Variants in ZNF268 observed in about 807,000 individuals in gnomAD.
The protein encoded by ZNF268 is zinc finger protein 268.
In ZNF268, 20 loss-of-function variants were observed where a neutral mutation model predicts 29.3. The observed-to-expected ratio is 0.68, with a 90% CI of 0.48 to 0.99. The LOEUF (loss-of-function observed/expected upper bound fraction) is 0.99. Among genes scored for constraint, ZNF268 ranks in the 50% least tolerant of loss-of-function variants. ZNF268 has a pLI of 0.00. For missense variants in ZNF268, 1,240 were observed against 1,121.6 expected (o/e 1.11, Z -1.51); for synonymous variants, 429 against 376.9 (o/e 1.14, Z -1.60).
intron 2 of ZNF268, among the ~76,000 whole-genome samples, chr12:133,187,542 C>T (rs1956352878): frequency 6.6e-6 from 1 of 151,990 alleles, no homozygotes; most frequent in African/African-American, 2.4e-5. Flanking sequence ...TTCCTACTGC[C>T]CTACCAAACC....
chr12:133,203,172 G>C lies in ZNF268; in HGVS notation c.1486G>C (p.Gly496Arg). 2.0e-6 allele frequency: 3 copies of C among 1,537,704 alleles called. No homozygotes were observed. The highest frequency in any genetic ancestry group is 2.6e-6 in the Non-Finnish European group (3 of 1,146,828). ...QLIVHQRSHT[G>R]MKPYVCNECG... is the part of the protein sequence containing the mutation. ...CATTGTACATCAGAGAAGTCACACA[G>C]GAATGAAACCTTATGTATGCAATGA... is the stretch of plus-strand genomic sequence containing the variant. Residue 496 changes from glycine (G) to arginine (R), a missense_variant, in exon 6 of 6, where the codon GGA (glycine) becomes CGA (arginine). By Grantham distance (125) the Gly-to-Arg change is moderately radical. This residue lies in a region of ZNF268 where 1,177 missense variants were observed against 1,039.6 expected (regional missense o/e 1.13). Coordinates refer to ENST00000536435, the MANE Select transcript of ZNF268 (RefSeq NM_003415.3).
At chr12:133,199,353 T>C (rs1237485548) in intron 5 of ZNF268, among the ~76,000 whole-genome samples, 2 of 151,852 alleles carry the variant, frequency 1.3e-5, no homozygotes, top group Admixed American at 1.3e-4. Context: ...GATTTGCATA[T>C]ATTGAACCAG....
In ZNF268 at chr12:133,203,726, G is replaced by A. The variant is rs139453147; in HGVS notation, c.2040G>A (p.Lys680=). 10 of 1,549,986 alleles carry A rather than the reference G, an allele frequency of 6.5e-6. No individual in the cohort carries two copies. In the African/African-American group the frequency reaches 1.1e-4, roughly 17 times the overall value. ...CSQCAKTFSL[K]SQLIVHQRSH... ...AATGTGCAAAAACCTTTAGTTTGAA[G>A]TCCCAGCTCATTGTACATCAGAGAA... The change falls in exon 6 of 6, where the codon AAG becomes AAA. Residue 680 remains lysine (K), a synonymous_variant. Coordinates refer to ENST00000536435, the MANE Select transcript of ZNF268 (RefSeq NM_003415.3).
intron 2 of ZNF268, chr12:133,184,701 C>T (rs1461464696): frequency 2.2e-6 from 1 of 451,952 alleles, no homozygotes; most frequent in Admixed American, 2.4e-5. Flanking sequence ...ACCACAACGT[C>T]TGCTTCCCGA....
chr12:133,204,189 C>A lies in ZNF268; in HGVS notation c.2503C>A (p.Pro835Thr). 1 of 1,540,680 alleles carries A rather than the reference C, an allele frequency of 6.5e-7. No homozygotes were observed. Residue 835 changes from proline to threonine, a missense_variant, in exon 6 of 6, where the codon CCT becomes ACT. Pro to Thr is a conservative substitution (Grantham distance 38). Around this residue, in one of 3 missense-constraint regions of ZNF268, gnomAD observed 1,177 missense variants for 1,039.6 expected, o/e 1.13. Transcript: ENST00000536435. ...VHERTHAGVN[P>T]YKCSQCEKSF... The stretch of plus-strand genomic sequence containing the variant: ...TGAGCGAACTCATGCAGGGGTCAAC[C>A]CTTATAAATGCAGTCAATGTGAGAA...
chr12:133,202,302 C>T lies in ZNF268; in HGVS notation c.616C>T (p.His206Tyr). 6.2e-7 allele frequency: 1 copy of T among 1,612,486 alleles called. No individual in the cohort carries two copies. Among genetic ancestry groups the T allele is most frequent in the South Asian group, 1.1e-5 (1 of 90,906 alleles). Reference protein sequence around the residue: ...SRQKPHKCGTHGKSLKYIDFT... With the variant: ...SRQKPHKCGTYGKSLKYIDFT... Reference sequence around the variant, plus strand: ...ACAAAAACCTCATAAATGTGGCACGCATGGAAAGAGTTTGAAATATATAGA... The same window carrying T: ...ACAAAAACCTCATAAATGTGGCACGTATGGAAAGAGTTTGAAATATATAGA... Residue 206 changes from histidine (H) to tyrosine (Y), a missense_variant, in exon 6 of 6, where the codon CAT becomes TAT. Around this residue, in one of 3 missense-constraint regions of ZNF268, gnomAD observed 1,177 missense variants for 1,039.6 expected, o/e 1.13. Transcript: ENST00000536435.
chr12:133,187,945 G>A lies in ZNF268; in HGVS notation c.107G>A (p.Gly36Asp), dbSNP rs1244961125. The A allele has an allele frequency of 1.2e-6, 2 of 1,600,034 alleles. No homozygotes were observed. Among genetic ancestry groups the A allele is most frequent in the African/African-American group, 1.3e-5 (1 of 74,640 alleles). Residue 36 changes from glycine (G) to aspartate (D), a missense_variant, in exon 3 of 6, where the codon GGC becomes GAC. Around this residue, in one of 3 missense-constraint regions of ZNF268, gnomAD observed 51 missense variants for 51.4 expected, o/e 0.99. Transcript: ENST00000536435. ...CTCCAAGGTCAGGAATCCATCTTGG[G>A]CCAAGGGACTCCTGGTCTGCAACCT... is the stretch of plus-strand genomic sequence containing the variant. ...RKLQGQESIL[G>D]QGTPGLQPLP...
intron 5 of ZNF268, among the ~76,000 whole-genome samples, chr12:133,196,024 A>T (rs1228589973): frequency 6.3e-5 from 5 of 79,666 alleles, no homozygotes; most frequent in South Asian, 6.3e-4. Context: ...CTGTCTCTTT[A>T]AAAAAAAAAA....
In ZNF268 at chr12:133,209,802, G is replaced by C. The variant is rs1304361367; in HGVS notation, c.*5272G>C. 1.3e-5 allele frequency: 2 copies of C among 151,942 alleles called. No homozygotes were observed. Among genetic ancestry groups the C allele is most frequent in the African/African-American group, 2.4e-5 (1 of 41,210 alleles). 9.4% of individuals were successfully genotyped at this position (151,942 alleles called of 1,614,324 possible). On this transcript the variant is annotated 3_prime_UTR_variant, in exon 6 of 6. Transcript: ENST00000536435. ...CACTCCAGCCCGGGCAGCAGAGTGAGACTCCTTCAAAAAAAATTAATAAAA... is the reference window on the plus strand; with the variant it reads ...CACTCCAGCCCGGGCAGCAGAGTGACACTCCTTCAAAAAAAATTAATAAAA...
At position 133,214,539 on chromosome 12, in the gene ZNF268, G is replaced by A. The variant is rs1368535321; in HGVS notation, c.*10009G>A. 6.6e-6 allele frequency: 1 copy of A among 152,206 alleles called. No homozygotes were observed. The highest frequency in any genetic ancestry group is 6.5e-5 in the Admixed American group (1 of 15,284). The allele number at this position is 152,206 out of a possible 1,614,324, so 9.4% of individuals were successfully genotyped here. A position where few individuals can be genotyped will look rare whatever the true frequency, so the allele number is the denominator to read the frequency against. ...AAAATAAAAGCAATGTGCAGAAAGA[G>A]GCTGGCCACAAAAAGGTCACATACT... On this transcript the variant is annotated 3_prime_UTR_variant, in exon 6 of 6. Coordinates refer to ENST00000536435, the MANE Select transcript of ZNF268 (RefSeq NM_003415.3).
rs1230271209 is a variant in ZNF268 at position 133,202,203 on chromosome 12, G to C, written c.517G>C (p.Gly173Arg). 1.2e-6 allele frequency: 2 copies of C among 1,607,386 alleles called. No homozygotes were observed. Among genetic ancestry groups the C allele is most frequent in the Non-Finnish European group, 1.7e-6 (2 of 1,177,126 alleles). ...DWHQENKDKLGSTAKSFECTT... is the reference protein window; with the variant it reads ...DWHQENKDKLRSTAKSFECTT... ...GCATCAGGAAAATAAAGACAAGCTGGGAAGTACGGCAAAAAGCTTTGAATG... is the reference window on the plus strand; with the variant it reads ...GCATCAGGAAAATAAAGACAAGCTGCGAAGTACGGCAAAAAGCTTTGAATG... The change falls in exon 6 of 6, where the codon GGA (glycine) becomes CGA (arginine). Residue 173 changes from glycine to arginine, a missense_variant. Coordinates refer to ENST00000536435, the MANE Select transcript of ZNF268 (RefSeq NM_003415.3).
chr12:133,201,431 T>C (rs1317093392), intron 5 of ZNF268, among the ~76,000 whole-genome samples: 2 of 152,094 alleles, frequency 1.3e-5, no homozygotes, highest in African/African-American at 4.8e-5. Flanking sequence ...GATACAAACA[T>C]TGAGACCTGT....
Position 133,202,823 on chromosome 12 carries a change from G to A in ZNF268, c.1137G>A (p.Gln379=), listed in dbSNP as rs767221651. ...FSRKDQLVSH[Q]KTHSGQKPYV... ...GGAAAGACCAGCTTGTTTCACACCAGAAAACTCATTCAGGACAGAAACCAT... is the reference window on the plus strand; with the variant it reads ...GGAAAGACCAGCTTGTTTCACACCAAAAAACTCATTCAGGACAGAAACCAT... The change falls in exon 6 of 6, where the codon CAG becomes CAA. Residue 379 remains glutamine (Q), a synonymous_variant. Coordinates refer to ENST00000536435, the MANE Select transcript of ZNF268 (RefSeq NM_003415.3). 6.2e-7 allele frequency: 1 copy of A among 1,601,362 alleles called. No individual in the cohort carries two copies. The highest frequency in any genetic ancestry group is 8.5e-7 in the Non-Finnish European group (1 of 1,176,210).
At chr12:133,185,700 G>T (rs1468982676) in intron 2 of ZNF268, among the ~76,000 whole-genome samples, 1 of 152,060 alleles carries the variant, frequency 6.6e-6, no homozygotes, top group Non-Finnish European at 1.5e-5. Context: ...AGTGCTGAGT[G>T]GGGGACAGGT....
Position 133,205,263 on chromosome 12 carries a change from T to C in ZNF268, c.*733T>C, listed in dbSNP as rs1336532007. The C allele has an allele frequency of 6.6e-6, 1 of 151,446 alleles. No homozygotes were observed. Among genetic ancestry groups the C allele is most frequent in the African/African-American group, 2.4e-5 (1 of 41,284 alleles). 9.4% of individuals were successfully genotyped at this position (151,446 alleles called of 1,614,324 possible). On this transcript the variant is annotated 3_prime_UTR_variant, in exon 6 of 6. Transcript: ENST00000536435. ...AAATTTTATTCCAGGTGTTCCAAAA[T>C]TTCAGGAAAAGGTTTGAGAAAATTC...
chr12:133,185,570 G>A (rs537599211), intron 2 of ZNF268, among the ~76,000 whole-genome samples: 17 of 152,164 alleles, frequency 1.1e-4, no homozygotes, highest in Non-Finnish European at 1.2e-4. Flanking sequence ...AGAGAGAGGA[G>A]AGCAGATGAA....
At chr12:133,197,765 G>T (rs1956647322) in intron 5 of ZNF268, among the ~76,000 whole-genome samples, 1 of 152,084 alleles carries the variant, frequency 6.6e-6, no homozygotes, top group African/African-American at 2.4e-5. Context: ...TTGTGGTTTT[G>T]ATTTGCATTT....
intron 5 of ZNF268, among the ~76,000 whole-genome samples, chr12:133,200,359 G>C (rs971843200): frequency 6.6e-6 from 1 of 152,154 alleles, no homozygotes; most frequent in Admixed American, 6.6e-5. Flanking sequence ...TCTTAATCCT[G>C]AGTTCTAGTT....
rs776699658 is a variant in ZNF268 at position 133,203,735 on chromosome 12, C to T, written c.2049C>T (p.Leu683=). Residue 683 remains leucine (L), a synonymous_variant, in exon 6 of 6, where the codon CTC becomes CTT. Transcript: ENST00000536435. ...CAKTFSLKSQ[L]IVHQRSHTGV... is the part of the protein sequence containing the mutation. ...AAACCTTTAGTTTGAAGTCCCAGCT[C>T]ATTGTACATCAGAGAAGTCACACAG... is the stretch of plus-strand genomic sequence containing the variant. The T allele has an allele frequency of 4.5e-6, 7 of 1,554,254 alleles. No homozygotes were observed. Among genetic ancestry groups the T allele is most frequent in the Non-Finnish European group, 5.2e-6 (6 of 1,156,150 alleles).
Sources: gnomAD v4.1 joint callset for allele counts (sites outside exome capture counted in the v4.1 genomes callset) on GRCh38, gnomAD v4.1.1 for gene constraint, gnomAD v4.1.1 regional missense constraint, MANE v1.5 for transcripts, NCBI Gene and HGNC (gene_info 2026-07-23, HGNC 2026-07-21) for gene names.